SRPK2: variants seen among roughly 807,000 people sequenced by gnomAD.
SRPK2 encodes the protein SRSF protein kinase 2.
A neutral mutation model predicts 90.8 loss-of-function variants in SRPK2; 21 were observed. The observed-to-expected ratio is 0.23, with a 90% CI of 0.16 to 0.33. SRPK2 has a LOEUF of 0.33. Among genes scored for constraint, SRPK2 ranks in the 10% least tolerant of loss-of-function variants. The probability of loss-of-function intolerance (pLI) is 1.00; values close to 1 mark genes in which losing one functional copy is unlikely to be tolerated. For missense variants in SRPK2, 620 were observed against 869.0 expected, an observed-to-expected ratio of 0.71 and a Z score of 3.60; for synonymous variants, 288 against 311.1, an observed-to-expected ratio of 0.93 and a Z score of 0.78.
intron 15 of SRPK2, among the ~76,000 whole-genome samples, chr7:105,121,515 ATCACT>A (rs1800381750): frequency 6.6e-6 from 1 of 152,242 alleles, no homozygotes; most frequent in Non-Finnish European, 1.5e-5. Flanking sequence ...AATGTGGAAT[ATCACT>A]TCACCCTTCC....
rs143123923 is a variant in SRPK2 at position 105,370,542 on chromosome 7, T to C, written c.71+18106A>G. Among the ~76,000 whole-genome samples the C allele has an allele frequency of 2.8e-3, 428 of 152,220 alleles. 10 individuals are homozygous for C. The East Asian group carries it at 0.055, about 19-fold the overall frequency. On this transcript the variant is annotated intron_variant, in intron 2 of 15. Coordinates refer to ENST00000393651, the MANE Select transcript of SRPK2 (RefSeq NM_182692.3). ...TGCCGAAAAATATTTACATTAATAA[T>C]GTTTCAAAGAGATGCCTGAAACAAT...
chr7:105,158,341 A>G (rs1584988681), intron 7 of SRPK2, among the ~76,000 whole-genome samples: 1 of 146,202 alleles, frequency 6.8e-6, no homozygotes, highest in African/African-American at 2.5e-5. Context: ...TGCAACCTCC[A>G]CCTCCCGGGT....
chr7:105,156,624 C>T lies in SRPK2; in HGVS notation c.621+3883G>A, dbSNP rs1584983129. Among the ~76,000 whole-genome samples, 3 of 152,084 alleles carry T rather than the reference C, an allele frequency of 2.0e-5. No homozygotes were observed. In the East Asian group the frequency reaches 5.8e-4, roughly 29 times the overall value. On this transcript the variant is annotated intron_variant, in intron 7 of 15. Transcript: ENST00000393651. Reference sequence around the variant, plus strand: ...CAAGTGATCCTCCGACCTCAGCCTCCCAGGTAGCTGGGACCACAGGTGCAT... The same window carrying T: ...CAAGTGATCCTCCGACCTCAGCCTCTCAGGTAGCTGGGACCACAGGTGCAT...
At chr7:105,292,044 G>T (rs1342327556) in intron 2 of SRPK2, among the ~76,000 whole-genome samples, 1 of 152,140 alleles carries the variant, frequency 6.6e-6, no homozygotes, top group East Asian at 1.9e-4. Flanking sequence ...TTTTCCCGTT[G>T]CTCTCACGTG....
At chr7:105,316,247 A>G (rs527519626) in intron 2 of SRPK2, among the ~76,000 whole-genome samples, 25 of 152,208 alleles carry the variant, frequency 1.6e-4, no homozygotes, top group Admixed American at 8.5e-4. Context: ...TACAGGCGAG[A>G]GCCACCGTGC....
intron 11 of SRPK2, among the ~76,000 whole-genome samples, chr7:105,139,291 G>C (rs1281765573): frequency 1.3e-5 from 2 of 152,160 alleles, no homozygotes; most frequent in Admixed American, 6.5e-5. Context: ...ACACCAGTAA[G>C]GAACCTCCAT....
intron 3 of SRPK2, among the ~76,000 whole-genome samples, chr7:105,185,327 A>G (rs1208708599): frequency 6.6e-6 from 1 of 152,078 alleles, no homozygotes; most frequent in Non-Finnish European, 1.5e-5. Flanking sequence ...AACAATTAAA[A>G]TAACTCAGAA....
chr7:105,398,815 G>A (rs1411330405), intron 1 of SRPK2, among the ~76,000 whole-genome samples: 1 of 152,138 alleles, frequency 6.6e-6, no homozygotes, highest in African/African-American at 2.4e-5. Flanking sequence ...GGCTAGTTCT[G>A]CCATTATTTA....
At chr7:105,263,582 C>T (rs1389771089) in intron 2 of SRPK2, among the ~76,000 whole-genome samples, 2 of 152,094 alleles carry the variant, frequency 1.3e-5, no homozygotes, top group Non-Finnish European at 2.9e-5. Context: ...TACAACTGAA[C>T]TGTCATATGC....
At position 105,129,072 on chromosome 7, in the gene SRPK2, T is replaced by C. The variant is rs1238352577; in HGVS notation, c.1753-2010A>G. 2.6e-5 allele frequency among the ~76,000 whole-genome samples: 4 copies of C among 151,240 alleles called. No homozygotes were observed. The East Asian group carries it at 7.9e-4, about 30-fold the overall frequency. On this transcript the variant is annotated intron_variant, in intron 13 of 15. Coordinates refer to ENST00000393651, the MANE Select transcript of SRPK2 (RefSeq NM_182692.3). ...TCACTGCAAGCTCACACCATTCTCC[T>C]TGCCTCAGCCTCCTGAGTAGCTGGG... is the stretch of plus-strand genomic sequence containing the variant.
rs1036221165 is a variant in SRPK2 at position 105,284,609 on chromosome 7, C to T, written c.72-80824G>A. On this transcript the variant is annotated intron_variant, in intron 2 of 15. Coordinates refer to ENST00000393651, the MANE Select transcript of SRPK2 (RefSeq NM_182692.3). ...AAACTTCATGGAGCTATTTATAAGG[C>T]TTGTCAATTCACCACAATTCATTTT... 2.0e-5 allele frequency among the ~76,000 whole-genome samples: 3 copies of T among 152,306 alleles called. No individual in the cohort carries two copies. The East Asian group carries it at 5.8e-4, about 29-fold the overall frequency.
intron 2 of SRPK2, among the ~76,000 whole-genome samples, chr7:105,221,510 A>G (rs1474606737): frequency 1.3e-5 from 2 of 152,178 alleles, no homozygotes; most frequent in Non-Finnish European, 2.9e-5. Flanking sequence ...GGGATTTCAA[A>G]CCAATATCAC....
chr7:105,353,738 C>T (rs1817482457), intron 2 of SRPK2, among the ~76,000 whole-genome samples: 1 of 152,140 alleles, frequency 6.6e-6, no homozygotes, highest in African/African-American at 2.4e-5. Flanking sequence ...CAGAAAATCC[C>T]ACTCCTGAGC....
intron 3 of SRPK2, among the ~76,000 whole-genome samples, chr7:105,176,323 A>G (rs1791840557): frequency 6.6e-6 from 1 of 152,188 alleles, no homozygotes; most frequent in African/African-American, 2.4e-5. Context: ...AGGAACATCA[A>G]TGAAAAGCCC....
intron 11 of SRPK2, among the ~76,000 whole-genome samples, chr7:105,137,217 C>T (rs182619942): frequency 4.3e-4 from 66 of 152,216 alleles, no homozygotes; most frequent in African/African-American, 1.4e-3. Context: ...CCAGTGTGAA[C>T]GGTGTAGAAT....
chr7:105,365,409 C>T (rs1406535632), intron 2 of SRPK2, among the ~76,000 whole-genome samples: 1 of 149,752 alleles, frequency 6.7e-6, no homozygotes, highest in African/African-American at 2.5e-5. Flanking sequence ...TCGCTTGAAC[C>T]CAGGAGGCGG....
At chr7:105,172,231 A>C (rs1314727811) in intron 3 of SRPK2, among the ~76,000 whole-genome samples, 1 of 152,208 alleles carries the variant, frequency 6.6e-6, no homozygotes, top group Admixed American at 6.5e-5. Flanking sequence ...TTAACATTCA[A>C]AGCAGGAAAT....
intron 2 of SRPK2, among the ~76,000 whole-genome samples, chr7:105,351,347 C>T (rs968542517): frequency 1.3e-5 from 2 of 151,898 alleles, no homozygotes; most frequent in African/African-American, 4.8e-5. Flanking sequence ...TATAAATTAC[C>T]CAGTCTTAAC....
chr7:105,193,497 T>C (rs1426735256), intron 3 of SRPK2, among the ~76,000 whole-genome samples: 1 of 152,224 alleles, frequency 6.6e-6, no homozygotes, highest in Non-Finnish European at 1.5e-5. Context: ...TTTTGCTTAG[T>C]CTTGCTTTGA....
Sources: allele counts gnomAD v4.1 joint callset (sites outside exome capture counted in the v4.1 genomes callset), GRCh38; gene constraint gnomAD v4.1.1; transcripts MANE v1.5; gene names NCBI Gene and HGNC (gene_info 2026-07-23, HGNC 2026-07-21).